Variants in SH2B2 observed in about 807,000 individuals in gnomAD.
SH2B2 encodes the protein SH2B adapter protein 2.
A neutral mutation model predicts 35.7 loss-of-function variants in SH2B2; 37 were observed. That is an observed-to-expected ratio of 1.04 (90% CI 0.80 to 1.36). The LOEUF (loss-of-function observed/expected upper bound fraction) is 1.36. Among genes scored for constraint, SH2B2 ranks in the 40% most tolerant of loss-of-function variants. The pLI is 0.00. For synonymous variants in SH2B2, 383 were observed against 376.4 expected (o/e 1.02, Z -0.20); for missense variants, 852 against 817.7 (o/e 1.04, Z -0.51).
At chr7:102,293,400 C>T (rs1792766164) in intron 1 of SH2B2, among the ~76,000 whole-genome samples, 1 of 151,446 alleles carries the variant, frequency 6.6e-6, no homozygotes, top group Non-Finnish European at 1.5e-5. Flanking sequence ...CATTAGACTT[C>T]CCCTGCCCTC....
rs2132891693 is a variant in SH2B2 at position 102,289,578 on chromosome 7, G to A, written c.-30+2484G>A. 2.6e-5 allele frequency among the ~76,000 whole-genome samples: 4 copies of A among 152,244 alleles called. 1 individual carries two copies. Among genetic ancestry groups the A allele is most frequent in the African/African-American group, 9.6e-5 (4 of 41,546 alleles). On this transcript the variant is annotated intron_variant, in intron 1 of 8. Transcript: ENST00000444095. ...GAGTTGAGCTCAGAGAAAGGCCCAG[G>A]GAAGCTTTATTAGCACCTGTAGTCT...
chr7:102,310,633 C>CG (rs1418197858), intron 4 of SH2B2, among the ~76,000 whole-genome samples: 13 of 152,118 alleles, frequency 8.5e-5, no homozygotes, highest in Non-Finnish European at 1.3e-4. Flanking sequence ...AGCCAAGCCC[C>CG]GGGGGGAAGG....
chr7:102,315,454 G>A (rs898122646), intron 6 of SH2B2, among the ~76,000 whole-genome samples: 101 of 152,110 alleles, frequency 6.6e-4, no homozygotes, highest in African/African-American at 2.0e-3. Context: ...TCAGCCTCCC[G>A]AGTAGCTGAG....
chr7:102,300,735 C>T lies in SH2B2; in HGVS notation c.185C>T (p.Ser62Phe). The T allele has an allele frequency of 3.2e-6, 5 of 1,538,566 alleles. No homozygotes were observed. Among genetic ancestry groups the T allele is most frequent in the Non-Finnish European group, 4.4e-6 (5 of 1,138,748 alleles). ...YDTPDAGASF[S>F]RHFAANFLDV... The stretch of plus-strand genomic sequence containing the variant: ...ACGCCCGACGCCGGCGCCTCCTTCT[C>T]CCGCCACTTCGCCGCCAACTTCCTG... The change falls in exon 2 of 9, where the codon TCC becomes TTC. Residue 62 changes from serine to phenylalanine, a missense_variant. By Grantham distance (155) the Ser-to-Phe change is radical. Transcript: ENST00000444095.
chr7:102,317,445 GA>G (rs1793893544), intron 7 of SH2B2, 50 bp downstream of exon 7: 2 of 1,474,160 alleles, frequency 1.4e-6, no homozygotes, highest in Non-Finnish European at 1.8e-6. Flanking sequence ...CCCTGAGGGA[GA>G]GGGGTCATGG....
At position 102,300,880 on chromosome 7, in the gene SH2B2, G is replaced by T; in HGVS notation, c.330G>T (p.Ala110=). The change falls in exon 2 of 9, where the codon GCG becomes GCT. Residue 110 remains alanine (A), a synonymous_variant. Coordinates refer to ENST00000444095, the MANE Select transcript of SH2B2 (RefSeq NM_001359228.2). The part of the protein sequence containing the change: ...ELADTSALKA[A]PYGHSRSSED... ...CGGACACCTCTGCACTCAAGGCGGC[G>T]CCCTACGGCCACTCGCGGAGCTCGG... 6.8e-7 allele frequency: 1 copy of T among 1,462,188 alleles called. No individual in the cohort carries two copies. The highest frequency in any genetic ancestry group is 2.6e-5 in the East Asian group (1 of 38,666). The allele number at this position is 1,462,188 out of a possible 1,614,324, so 90.6% of individuals were successfully genotyped here.
chr7:102,293,393 T>C (rs1792765909), intron 1 of SH2B2, among the ~76,000 whole-genome samples: 1 of 151,094 alleles, frequency 6.6e-6, no homozygotes, highest in Non-Finnish European at 1.5e-5. Flanking sequence ...GGGACTCCAT[T>C]AGACTTCCCC....
At chr7:102,303,543 C>A (rs1554554306) in intron 2 of SH2B2, among the ~76,000 whole-genome samples, 1 of 152,172 alleles carries the variant, frequency 6.6e-6, no homozygotes, top group Admixed American at 6.5e-5. Context: ...AAGTGACTTC[C>A]CAGGGACACA....
At chr7:102,300,418 ACACC>A in intron 1 of SH2B2, 100 bp from the exon 2 acceptor site, 1 of 1,354,414 alleles carries the variant, frequency 7.4e-7, no homozygotes, top group African/African-American at 1.5e-5. Flanking sequence ...ATGTACACAC[ACACC>A]CACACAGCCC....
intron 1 of SH2B2, among the ~76,000 whole-genome samples, chr7:102,287,630 C>T (rs1045963428): frequency 6.6e-6 from 1 of 152,174 alleles, no homozygotes; most frequent in Admixed American, 6.5e-5. Context: ...CCGGAGCCCC[C>T]GATTGCCGGG....
rs542818367 is a variant in SH2B2 at position 102,297,745 on chromosome 7, C to T, written c.-29-2777C>T. On this transcript the variant is annotated intron_variant, in intron 1 of 8. Coordinates refer to ENST00000444095, the MANE Select transcript of SH2B2 (RefSeq NM_001359228.2). This position sits in a 1 kb window ranked among gnomAD's most constrained non-coding sequence, Gnocchi z 4.3. Reference sequence around the variant, plus strand: ...GTATGCCCAGCACTGAGGACACAGCCGCTTCTAGGACTGGCAAAATCCCTG... The same window carrying T: ...GTATGCCCAGCACTGAGGACACAGCTGCTTCTAGGACTGGCAAAATCCCTG... Among the ~76,000 whole-genome samples the T allele has an allele frequency of 3.9e-5, 6 of 152,002 alleles. No individual in the cohort carries two copies. The highest frequency in any genetic ancestry group is 8.8e-5 in the Non-Finnish European group (6 of 67,992).
intron 1 of SH2B2, among the ~76,000 whole-genome samples, chr7:102,287,635 G>A (rs1408822152): frequency 6.6e-6 from 1 of 152,174 alleles, no homozygotes; most frequent in Non-Finnish European, 1.5e-5. Flanking sequence ...GCCCCCGATT[G>A]CCGGGAGGAT....
At chr7:102,309,116 G>T in intron 4 of SH2B2, 1 of 668,702 alleles carries the variant, frequency 1.5e-6, no homozygotes, top group African/African-American at 1.8e-5. Context: ...CTGCTCTATG[G>T]GGCCAGGGCC....
In SH2B2 at chr7:102,317,379, TC is replaced by T. The variant is rs1793888973; in HGVS notation, c.1381del (p.Gln461ArgfsTer11). On this transcript the variant is annotated frameshift_variant, in exon 7 of 9. Coordinates refer to ENST00000444095, the MANE Select transcript of SH2B2 (RefSeq NM_001359228.2). LOFTEE classifies it high-confidence loss of function. ...RPGEYVLTFNFQGKAKHLRLS... is the reference protein window; with the variant it reads ...RPGEYVLTFNXQGKAKHLRLS... Reference sequence around the variant, plus strand: ...GGGGAGTACGTGCTGACCTTCAACTTCCAGGGCAAGGCCAAGGCAAGTGTGT... The same window carrying T: ...GGGGAGTACGTGCTGACCTTCAACTTCAGGGCAAGGCCAAGGCAAGTGTGT... 1.3e-6 allele frequency: 2 copies of T among 1,581,688 alleles called. No individual in the cohort carries two copies. Among genetic ancestry groups the T allele is most frequent in the Non-Finnish European group, 1.7e-6 (2 of 1,157,048 alleles).
intron 7 of SH2B2, among the ~76,000 whole-genome samples, chr7:102,319,696 T>C (rs1793981056): frequency 6.6e-6 from 1 of 152,144 alleles, no homozygotes; most frequent in Middle Eastern, 3.4e-3. Flanking sequence ...TTGAGCAAAA[T>C]AGGGCTTAAG....
intron 1 of SH2B2, among the ~76,000 whole-genome samples, chr7:102,293,641 C>T (rs1554552156): frequency 6.6e-6 from 1 of 152,010 alleles, no homozygotes; most frequent in African/African-American, 2.4e-5. Context: ...GTCTCCAACG[C>T]CAGTCCTCAG....
At position 102,321,378 on chromosome 7, in the gene SH2B2, C is replaced by T. The variant is rs1554558504; in HGVS notation, c.1647C>T (p.Ser549=). 2.1e-6 allele frequency: 3 copies of T among 1,398,672 alleles called. No homozygotes were observed. The highest frequency in any genetic ancestry group is 2.8e-6 in the Non-Finnish European group (3 of 1,077,348). The allele number at this position is 1,398,672 out of a possible 1,614,324, so 86.6% of individuals were successfully genotyped here. A position where few individuals can be genotyped will look rare whatever the true frequency, so the allele number is the denominator to read the frequency against. Residue 549 remains serine (S), a synonymous_variant, in exon 9 of 9, where the codon AGC becomes AGT. Transcript: ENST00000444095. Reference sequence around the variant, plus strand: ...CGCCCGGCCAGCACTACTTCTCCAGCCTCGCCGCGGCCGCCTGCCCGCCTG... The same window carrying T: ...CGCCCGGCCAGCACTACTTCTCCAGTCTCGCCGCGGCCGCCTGCCCGCCTG... The part of the protein sequence containing the change: ...SDSPGQHYFS[S]LAAAACPPAS...
intron 1 of SH2B2, among the ~76,000 whole-genome samples, chr7:102,289,253 T>TG (rs1382980891): frequency 6.6e-6 from 1 of 151,776 alleles, no homozygotes; most frequent in Non-Finnish European, 1.5e-5. Flanking sequence ...AGCGCCCACC[T>TG]GGGGGGTGGG....
chr7:102,310,263 C>T (rs531503776), intron 4 of SH2B2, among the ~76,000 whole-genome samples: 173 of 152,326 alleles, frequency 1.1e-3, no homozygotes, highest in Middle Eastern at 6.8e-3. Context: ...TTGCAGTGAG[C>T]TGAGACTGTG....
Sources: gnomAD v4.1 joint callset for allele counts (sites outside exome capture counted in the v4.1 genomes callset) on GRCh38, gnomAD v4.1.1 for gene constraint, Gnocchi (gnomAD v3.1) non-coding constraint, MANE v1.5 for transcripts, NCBI Gene and HGNC (gene_info 2026-07-23, HGNC 2026-07-21) for gene names.